CPNE4: variants seen among roughly 807,000 people sequenced by gnomAD.
The protein encoded by CPNE4 is copine 4.
CPNE4 carries 25 observed loss-of-function variants against 67.9 expected under a neutral mutation model. That is an observed-to-expected ratio of 0.37 (90% CI 0.27 to 0.51). CPNE4 has a LOEUF of 0.51. Ranked by LOEUF, CPNE4 falls within the 20% of genes least tolerant of loss-of-function variation. The pLI is 0.93. For missense variants in CPNE4, 464 were observed against 690.8 expected, an observed-to-expected ratio of 0.67 and a Z score of 3.68; for synonymous variants, 242 against 244.9, an observed-to-expected ratio of 0.99 and a Z score of 0.11.
chr3:131,753,875 A>C (rs1442123608), intron 2 of CPNE4, among the ~76,000 whole-genome samples: 1 of 152,060 alleles, frequency 6.6e-6, no homozygotes, highest in African/African-American at 2.4e-5. Context: ...ATCTACTTTA[A>C]ATTTTTTTTT....
intron 2 of CPNE4, among the ~76,000 whole-genome samples, chr3:131,864,691 C>A (rs1003762514): frequency 2.0e-5 from 3 of 151,848 alleles, no homozygotes; most frequent in Non-Finnish European, 2.9e-5. Flanking sequence ...AACTGAATAC[C>A]CTTTATTTCC....
chr3:131,570,327 ATTTATTTT>A (rs1425019880), intron 10 of CPNE4, among the ~76,000 whole-genome samples: 40 of 124,904 alleles, frequency 3.2e-4, no homozygotes, highest in African/African-American at 1.8e-3. Flanking sequence ...TTATTTATTT[ATTTATTTT>A]TTTAAAATTT....
rs151091636 is a variant in CPNE4, at chr3:131,866,135, C to A, written c.180+39129G>T. 9.6e-4 allele frequency among the ~76,000 whole-genome samples: 146 copies of A among 152,352 alleles called. 1 individual carries two copies. Among genetic ancestry groups the A allele is most frequent in the Middle Eastern group, 6.8e-3 (2 of 294 alleles). ...AAGACTAAGGCAACAAATTCTTCCA[C>A]ATACAGGATCTGGATGGCACATCAC... On this transcript the variant is annotated intron_variant, in intron 2 of 15. Coordinates refer to ENST00000429747, the MANE Select transcript of CPNE4 (RefSeq NM_130808.3).
At chr3:131,663,482 G>A (rs28427018) in intron 7 of CPNE4, among the ~76,000 whole-genome samples, 50,098 of 150,990 alleles carry the variant, frequency 0.33, 8,644 homozygotes, top group African/African-American at 0.4. Flanking sequence ...GTAAAAAAAC[G>A]TAAATTAAAA....
chr3:131,697,297 T>C (rs2081177311), intron 4 of CPNE4, among the ~76,000 whole-genome samples: 1 of 152,060 alleles, frequency 6.6e-6, no homozygotes, highest in Non-Finnish European at 1.5e-5. Context: ...AGGAGAAAAA[T>C]AATGACAACA....
intron 2 of CPNE4, among the ~76,000 whole-genome samples, chr3:131,784,194 C>T (rs1314740728): frequency 1.3e-5 from 2 of 152,000 alleles, no homozygotes; most frequent in Non-Finnish European, 2.9e-5. Context: ...ACCAATAAGC[C>T]TCCCTGCTTG....
intron 2 of CPNE4, among the ~76,000 whole-genome samples, chr3:131,864,758 TGA>T (rs936065403): frequency 2.6e-5 from 4 of 152,006 alleles, no homozygotes; most frequent in African/African-American, 9.7e-5. Flanking sequence ...ATAGGAGTGG[TGA>T]GAGGGGGCAT....
intron 3 of CPNE4, among the ~76,000 whole-genome samples, chr3:131,712,091 A>G (rs2081572102): frequency 6.6e-6 from 1 of 152,192 alleles, no homozygotes; most frequent in African/African-American, 2.4e-5. Context: ...ATTCTTTACA[A>G]GTTTTAAAGT....
chr3:131,806,847 C>T (rs1238424048), intron 2 of CPNE4, among the ~76,000 whole-genome samples: 4 of 152,028 alleles, frequency 2.6e-5, no homozygotes, highest in East Asian at 1.9e-4. Flanking sequence ...GGATTTGTTT[C>T]GAAAAACCTA....
chr3:131,640,976 G>C (rs1018318734), intron 7 of CPNE4, among the ~76,000 whole-genome samples: 5 of 152,144 alleles, frequency 3.3e-5, no homozygotes, highest in Non-Finnish European at 5.9e-5. Context: ...GCAGAAGAAT[G>C]AAATTGGATC....
intron 7 of CPNE4, among the ~76,000 whole-genome samples, chr3:131,655,300 C>G (rs945395541): frequency 6.6e-6 from 1 of 152,136 alleles, no homozygotes; most frequent in Non-Finnish European, 1.5e-5. Context: ...TTTCAACAAG[C>G]CTTCCTGGAG....
intron 2 of CPNE4, among the ~76,000 whole-genome samples, chr3:131,726,531 T>G (rs2082003922): frequency 6.6e-6 from 1 of 152,194 alleles, no homozygotes; most frequent in Non-Finnish European, 1.5e-5. Flanking sequence ...TGAAAGATGT[T>G]TTAAAATATT....
chr3:132,012,375 G>A (rs951011737), intron 1 of CPNE4, among the ~76,000 whole-genome samples: 1 of 152,024 alleles, frequency 6.6e-6, no homozygotes, highest in Admixed American at 6.6e-5. Context: ...CACTATGTTG[G>A]CCAGGTTGGT....
chr3:131,928,825 G>C (rs1047274021), intron 1 of CPNE4, among the ~76,000 whole-genome samples: 6 of 152,160 alleles, frequency 3.9e-5, no homozygotes, highest in African/African-American at 1.2e-4. Context: ...TTGTTTCCCT[G>C]ACACCTTTGT....
chr3:131,784,408 C>T (rs569794601), intron 2 of CPNE4, among the ~76,000 whole-genome samples: 7 of 152,024 alleles, frequency 4.6e-5, no homozygotes, highest in East Asian at 1.9e-4. Flanking sequence ...TGATTTCTGC[C>T]GCAACTGTGG....
chr3:131,612,319 A>G (rs1939895262), intron 7 of CPNE4, among the ~76,000 whole-genome samples: 1 of 152,158 alleles, frequency 6.6e-6, no homozygotes, highest in African/African-American at 2.4e-5. Context: ...GGTTGCAGTG[A>G]GCTGAGATTG....
intron 1 of CPNE4, among the ~76,000 whole-genome samples, chr3:131,993,013 G>C (rs2073204547): frequency 7.3e-6 from 1 of 136,066 alleles, no homozygotes; most frequent in South Asian, 2.6e-4. Context: ...ACCCAGTCTT[G>C]GGTATGTCTT....
intron 2 of CPNE4, among the ~76,000 whole-genome samples, chr3:131,777,483 T>G (rs1333549884): frequency 3.3e-5 from 5 of 151,786 alleles, no homozygotes; most frequent in Admixed American, 3.3e-4. Flanking sequence ...TAGGAATACC[T>G]ACCCAAAGGG....
chr3:131,802,234 T>C (rs1172896604), intron 2 of CPNE4, among the ~76,000 whole-genome samples: 1 of 152,158 alleles, frequency 6.6e-6, no homozygotes, highest in African/African-American at 2.4e-5. Flanking sequence ...CCACATCTAC[T>C]CCTTGTCCAG....
Sources: gnomAD v4.1 joint callset for allele counts (sites outside exome capture counted in the v4.1 genomes callset) on GRCh38, gnomAD v4.1.1 for gene constraint, MANE v1.5 for transcripts, NCBI Gene and HGNC (gene_info 2026-07-23, HGNC 2026-07-21) for gene names.